The following EVI5 variants were observed in gnomAD, a reference collection of about 807,000 sequenced individuals.
EVI5 encodes the protein ecotropic viral integration site 5 protein homolog.
In EVI5, 73 loss-of-function variants were observed where a neutral mutation model predicts 112.0. The observed-to-expected ratio is 0.65, with a 90% CI of 0.54 to 0.79. The LOEUF (loss-of-function observed/expected upper bound fraction) is 0.79. Among genes scored for constraint, EVI5 ranks in the 30% least tolerant of loss-of-function variants. EVI5 has a pLI of 0.00. For synonymous variants in EVI5, 305 were observed against 319.9 expected (o/e 0.95, Z 0.50); for missense variants, 900 against 968.8 (o/e 0.93, Z 0.94).
At chr1:92,518,061 A>G (rs1346007388) in intron 19 of EVI5, among the ~76,000 whole-genome samples, 1 of 151,722 alleles carries the variant, frequency 6.6e-6, no homozygotes, top group Non-Finnish European at 1.5e-5. Context: ...CCACACCTGG[A>G]AAACTTTTGT....
chr1:92,704,670 G>C lies in EVI5; in HGVS notation c.224C>G (p.Ser75Trp). ...GAGGTTGCTAGAGGCTGATGAACTC[G>C]ACACAAGAGAAGAGCCACTGTTTCT... Reference protein sequence around the residue: ...SRRNSGSSLVSSSSASSNLSH... With the variant: ...SRRNSGSSLVWSSSASSNLSH... Residue 75 changes from serine (S) to tryptophan (W), a missense_variant, in exon 3 of 20, where the codon TCG (serine) becomes TGG (tryptophan). Physicochemically the swap from Ser to Trp is radical, Grantham distance 177 (BLOSUM62 -3). Coordinates refer to ENST00000684568, the MANE Select transcript of EVI5 (RefSeq NM_001350197.2). 1 of 1,603,840 alleles carries C rather than the reference G, an allele frequency of 6.2e-7. No homozygotes were observed. The highest frequency in any genetic ancestry group is 8.5e-7 in the Non-Finnish European group (1 of 1,173,332).
intron 2 of EVI5, among the ~76,000 whole-genome samples, chr1:92,719,725 G>A (rs1210655058): frequency 6.6e-6 from 1 of 151,944 alleles, no homozygotes; most frequent in Non-Finnish European, 1.5e-5. Flanking sequence ...AGAAATAAAG[G>A]ATATTCAATT....
At chr1:92,551,388 C>T (rs986621075) in intron 19 of EVI5, among the ~76,000 whole-genome samples, 1 of 152,002 alleles carries the variant, frequency 6.6e-6, no homozygotes, top group African/African-American at 2.4e-5. Flanking sequence ...GAAGTACTGA[C>T]ATGATAATGG....
At chr1:92,609,263 A>C (rs1024407656) in intron 16 of EVI5, among the ~76,000 whole-genome samples, 3 of 152,252 alleles carry the variant, frequency 2.0e-5, no homozygotes, top group Non-Finnish European at 2.9e-5. Context: ...CAGTAGAGAT[A>C]GTACTACTTG....
At chr1:92,726,531 TCACCAATAC>T (rs1162622451) in intron 2 of EVI5, among the ~76,000 whole-genome samples, 1 of 152,088 alleles carries the variant, frequency 6.6e-6, no homozygotes. Flanking sequence ...AAATAATTCA[TCACCAATAC>T]CACCAACTAC....
intron 19 of EVI5, among the ~76,000 whole-genome samples, chr1:92,546,971 T>C (rs915255354): frequency 2.0e-5 from 3 of 152,138 alleles, no homozygotes; most frequent in African/African-American, 4.8e-5. Context: ...TATCCAGGAA[T>C]TGAACTCAGC....
At chr1:92,681,942 C>T (rs1236898777) in intron 9 of EVI5, among the ~76,000 whole-genome samples, 2 of 152,140 alleles carry the variant, frequency 1.3e-5, no homozygotes, top group African/African-American at 2.4e-5. Context: ...CACCACACTC[C>T]TATTTGCCTA....
At chr1:92,586,972 T>A (rs577480901) in intron 18 of EVI5, among the ~76,000 whole-genome samples, 1 of 152,184 alleles carries the variant, frequency 6.6e-6, no homozygotes, top group East Asian at 1.9e-4. Flanking sequence ...TTATGGTACT[T>A]AAGAGTCCAA....
At chr1:92,759,651 ACTTT>A (rs1220659720) in intron 1 of EVI5, among the ~76,000 whole-genome samples, 1 of 152,028 alleles carries the variant, frequency 6.6e-6, no homozygotes, top group Non-Finnish European at 1.5e-5. Flanking sequence ...ACTCTAATCT[ACTTT>A]CTGACTCTAT....
intron 14 of EVI5, among the ~76,000 whole-genome samples, chr1:92,635,930 ACT>A (rs771083344): frequency 6.6e-6 from 1 of 151,758 alleles, no homozygotes; most frequent in Non-Finnish European, 1.5e-5. Flanking sequence ...ACATTTAGAT[ACT>A]CTTTTTATGA....
intron 19 of EVI5, among the ~76,000 whole-genome samples, chr1:92,524,828 C>CTT (rs556819782): frequency 2.7e-3 from 372 of 137,566 alleles, no homozygotes; most frequent in African/African-American, 3.9e-3. Context: ...AGATTAACTA[C>CTT]TTTTTTTTTT....
rs1176627621 is a variant in EVI5 at position 92,784,973 on chromosome 1, C to G, written c.-219G>C. 4.1e-6 allele frequency: 4 copies of G among 985,442 alleles called. No homozygotes were observed. The allele number at this position is 985,442 out of a possible 1,614,324, so 61.0% of individuals were successfully genotyped here. ...CCCGAGTTCCCAAAAGCACCACGCTCACTCAGAAGCTCAGGGCCGCCTCGC... is the reference window on the plus strand; with the variant it reads ...CCCGAGTTCCCAAAAGCACCACGCTGACTCAGAAGCTCAGGGCCGCCTCGC... On this transcript the variant is annotated 5_prime_UTR_variant, in exon 1 of 20. Coordinates refer to ENST00000684568, the MANE Select transcript of EVI5 (RefSeq NM_001350197.2).
In EVI5 at chr1:92,721,228, G is replaced by A. The variant is rs186933949; in HGVS notation, c.149+15170C>T. Reference sequence around the variant, plus strand: ...TGCTACTATAAAGATACATGCACACGTATGTTTATTGCGGCACTATTCACA... The same window carrying A: ...TGCTACTATAAAGATACATGCACACATATGTTTATTGCGGCACTATTCACA... On this transcript the variant is annotated intron_variant, in intron 2 of 19. Coordinates refer to ENST00000684568, the MANE Select transcript of EVI5 (RefSeq NM_001350197.2). Among the ~76,000 whole-genome samples, 233 of 152,248 alleles carry A rather than the reference G, an allele frequency of 1.5e-3. 1 individual carries two copies. The highest frequency in any genetic ancestry group is 5.3e-3 in the African/African-American group (221 of 41,536).
At chr1:92,625,059 A>C (rs1019789796) in intron 15 of EVI5, among the ~76,000 whole-genome samples, 10 of 152,188 alleles carry the variant, frequency 6.6e-5, no homozygotes, top group African/African-American at 2.2e-4. Flanking sequence ...TTTTCACTGT[A>C]ATTTTTTTAA....
chr1:92,629,184 T>C (rs868051642), intron 14 of EVI5, among the ~76,000 whole-genome samples: 5 of 152,238 alleles, frequency 3.3e-5, no homozygotes, highest in African/African-American at 7.2e-5. Context: ...TGGCTTTTTT[T>C]CTCAACAAAT....
chr1:92,561,613 C>G (rs879348605), intron 19 of EVI5, among the ~76,000 whole-genome samples: 1,033 of 25,612 alleles, frequency 0.04, 5 homozygotes, highest in Admixed American at 0.054. Context: ...TCTATCCTAT[C>G]TATCTATCTA....
At chr1:92,634,586 T>G (rs1220705212) in intron 14 of EVI5, among the ~76,000 whole-genome samples, 2 of 152,200 alleles carry the variant, frequency 1.3e-5, no homozygotes, top group Non-Finnish European at 2.9e-5. Context: ...TTGTCCAATC[T>G]TTTTTCAAGG....
chr1:92,677,013 T>G, intron 10 of EVI5, 145 bp downstream of exon 10: 1 of 585,130 alleles, frequency 1.7e-6, no homozygotes, highest in Non-Finnish European at 2.9e-6. Context: ...CGCATTATTC[T>G]GCTTTTTTGA....
At chr1:92,696,735 G>A (rs1036515304) in intron 6 of EVI5, among the ~76,000 whole-genome samples, 1 of 151,900 alleles carries the variant, frequency 6.6e-6, no homozygotes, top group South Asian at 2.1e-4. Context: ...TACAACTATT[G>A]TATGTCAATT....
Sources: allele counts gnomAD v4.1 joint callset (sites outside exome capture counted in the v4.1 genomes callset), GRCh38; gene constraint gnomAD v4.1.1; transcripts MANE v1.5; gene names NCBI Gene and HGNC (gene_info 2026-07-23, HGNC 2026-07-21).